The following SHANK2 variants were observed in gnomAD, a reference collection of about 807,000 sequenced individuals.
The protein encoded by SHANK2 is SH3 and multiple ankyrin repeat domains protein 2.
A neutral mutation model predicts 133.7 loss-of-function variants in SHANK2; 43 were observed. The ratio of observed to expected loss-of-function variants is 0.32; its 90% CI spans 0.25 to 0.41. SHANK2 has a LOEUF of 0.41. Among genes scored for constraint, SHANK2 ranks in the 10% least tolerant of loss-of-function variants. The pLI is 1.00. For missense variants in SHANK2, 1,994 were observed against 2,235.8 expected (o/e 0.89, Z 2.18); for synonymous variants, 1,017 against 952.8 (o/e 1.07, Z -1.24).
rs138398985 is a variant in SHANK2 at position 71,233,129 on chromosome 11, A to G, written c.-112-8333T>C. On this transcript the variant is annotated intron_variant, in intron 1 of 25. Transcript: ENST00000601538. ...AAGTGTGAGGCCAGCCTGCAGGTAC[A>G]GGAGACCCCATCTCTACCAAAAAAA... Among the ~76,000 whole-genome samples, 446 of 148,054 alleles carry G rather than the reference A, an allele frequency of 3.0e-3. 17 individuals are homozygous for G. The highest frequency in any genetic ancestry group is 0.029 in the Admixed American group (423 of 14,762).
chr11:70,885,982 C>G (rs1385658000), intron 11 of SHANK2, among the ~76,000 whole-genome samples: 1 of 152,146 alleles, frequency 6.6e-6, no homozygotes, highest in Non-Finnish European at 1.5e-5. Context: ...ACGTGACCGA[C>G]CCCTTCAGCT....
At chr11:70,756,710 C>A (rs1946880609) in intron 14 of SHANK2, among the ~76,000 whole-genome samples, 1 of 152,198 alleles carries the variant, frequency 6.6e-6, no homozygotes, top group East Asian at 1.9e-4. Context: ...CACTCTGGGG[C>A]ACCAGGCAGC....
chr11:70,875,398 G>T (rs1366304109), intron 11 of SHANK2, among the ~76,000 whole-genome samples: 1 of 152,020 alleles, frequency 6.6e-6, no homozygotes, highest in Admixed American at 6.5e-5. Flanking sequence ...GGTGGCAGGC[G>T]CCTGTAGTCC....
At chr11:70,696,291 C>T (rs1490329244) in intron 15 of SHANK2, among the ~76,000 whole-genome samples, 2 of 152,194 alleles carry the variant, frequency 1.3e-5, no homozygotes, top group Admixed American at 1.3e-4. Context: ...ATGTGTCACA[C>T]CTTTACTACA....
At chr11:70,520,589 G>A (rs2059318424) in intron 17 of SHANK2, among the ~76,000 whole-genome samples, 1 of 152,168 alleles carries the variant, frequency 6.6e-6, no homozygotes, top group Admixed American at 6.5e-5. Flanking sequence ...CTCCCCCGCT[G>A]TGAAGTTACT....
chr11:70,880,167 C>A (rs1453634790), intron 11 of SHANK2, among the ~76,000 whole-genome samples: 1 of 152,206 alleles, frequency 6.6e-6, no homozygotes, highest in Non-Finnish European at 1.5e-5. Context: ...GCATAGATAA[C>A]CTGGGCAGCC....
At chr11:71,122,199 A>ATG (rs1458738305) in intron 3 of SHANK2, among the ~76,000 whole-genome samples, 7 of 152,224 alleles carry the variant, frequency 4.6e-5, no homozygotes, top group Admixed American at 1.3e-4. Flanking sequence ...ATGCACACGT[A>ATG]TGTTTACTGC....
intron 15 of SHANK2, among the ~76,000 whole-genome samples, chr11:70,680,099 G>T (rs375922842): frequency 2.6e-5 from 4 of 152,324 alleles, no homozygotes; most frequent in East Asian, 1.9e-4. Context: ...GAAGGGAGCA[G>T]AACTCCTGCA....
chr11:71,089,447 G>A (rs2135090357), intron 8 of SHANK2, among the ~76,000 whole-genome samples: 2 of 142,090 alleles, frequency 1.4e-5, no homozygotes, highest in East Asian at 3.9e-4. Flanking sequence ...GTGCGTGCGA[G>A]TGTGTGTGTG....
chr11:70,786,261 A>G (rs1199793256), intron 14 of SHANK2, among the ~76,000 whole-genome samples: 2 of 152,070 alleles, frequency 1.3e-5, no homozygotes, highest in East Asian at 3.9e-4. Context: ...TCCTTTTACA[A>G]TGGAGCTGGG....
intron 6 of SHANK2, among the ~76,000 whole-genome samples, chr11:71,107,252 G>C (rs932313390): frequency 6.6e-6 from 1 of 152,174 alleles, no homozygotes; most frequent in African/African-American, 2.4e-5. Context: ...AAGCACGCAG[G>C]CATTCTTCCC....
At chr11:70,599,971 G>GAA (rs71049926) in intron 17 of SHANK2, among the ~76,000 whole-genome samples, 7,664 of 104,480 alleles carry the variant, frequency 0.073, 517 homozygotes, top group African/African-American at 0.14. Flanking sequence ...AAGAAAGAAA[G>GAA]AAAATGTATC....
chr11:71,113,506 G>A (rs79531234), intron 4 of SHANK2, 142 bp from the exon 5 acceptor site: 9 of 716,394 alleles, frequency 1.3e-5, no homozygotes, highest in Middle Eastern at 2.3e-4. Context: ...TAAATGACTG[G>A]TATTTGCACC....
intron 11 of SHANK2, among the ~76,000 whole-genome samples, chr11:70,885,404 C>A (rs578010660): frequency 6.6e-6 from 1 of 152,304 alleles, no homozygotes; most frequent in East Asian, 1.9e-4. Flanking sequence ...TCTGTGTGCA[C>A]CATGGGGGAT....
At chr11:70,776,291 G>C (rs782296665) in intron 14 of SHANK2, among the ~76,000 whole-genome samples, 3 of 152,204 alleles carry the variant, frequency 2.0e-5, no homozygotes, top group African/African-American at 4.8e-5. Context: ...GGATGTCCAA[G>C]CCCCAACCCC....
At chr11:71,157,651 T>A (rs1329792061) in intron 2 of SHANK2, among the ~76,000 whole-genome samples, 5 of 152,182 alleles carry the variant, frequency 3.3e-5, no homozygotes, top group African/African-American at 1.2e-4. Context: ...AAAGAGCACA[T>A]GATTTATAAA....
chr11:70,567,458 C>T (rs1033922442), intron 17 of SHANK2, among the ~76,000 whole-genome samples: 2 of 152,036 alleles, frequency 1.3e-5, no homozygotes, highest in Admixed American at 1.3e-4. Flanking sequence ...GAAATCCCGT[C>T]TCTACTGAAA....
chr11:70,641,921 G>A (rs1283747762), intron 17 of SHANK2, among the ~76,000 whole-genome samples: 1 of 152,240 alleles, frequency 6.6e-6, no homozygotes, highest in African/African-American at 2.4e-5. Flanking sequence ...GCACAAAAGG[G>A]CCAATCTCTC....
intron 11 of SHANK2, among the ~76,000 whole-genome samples, chr11:70,841,096 C>T (rs1438491260): frequency 1.3e-5 from 2 of 152,014 alleles, no homozygotes; most frequent in Non-Finnish European, 2.9e-5. Flanking sequence ...AACCCTGTCT[C>T]TACCAAAAAT....
Sources: allele counts gnomAD v4.1 joint callset (sites outside exome capture counted in the v4.1 genomes callset), GRCh38; gene constraint gnomAD v4.1.1; transcripts MANE v1.5; gene names NCBI Gene and HGNC (gene_info 2026-07-23, HGNC 2026-07-21).